Variants in SLC9C1 observed in about 807,000 individuals in gnomAD.
The protein encoded by SLC9C1 is sodium/hydrogen exchanger 10.
In SLC9C1, 97 loss-of-function variants were observed where a neutral mutation model predicts 140.9. That is an observed-to-expected ratio of 0.69 (90% confidence interval 0.58 to 0.82). SLC9C1 has a LOEUF of 0.82. SLC9C1 is among the 40% of genes least tolerant of loss of function. The pLI is 0.00. For missense variants in SLC9C1, 1,340 were observed against 1,389.3 expected (o/e 0.96, Z 0.56); for synonymous variants, 440 against 442.6 (o/e 0.99, Z 0.07).
chr3:112,185,701 A>C, intron 20 of SLC9C1: 1 of 1,544,482 alleles, frequency 6.5e-7, no homozygotes, highest in Non-Finnish European at 8.7e-7. Context: ...TCGTGCCACC[A>C]CTTGAGCTCC....
At chr3:112,286,397 C>T (rs921753768) in intron 2 of SLC9C1, among the ~76,000 whole-genome samples, 1 of 152,148 alleles carries the variant, frequency 6.6e-6, no homozygotes. Flanking sequence ...CCTGCCCCAA[C>T]CCTTGATTTT....
intron 5 of SLC9C1, 109 bp downstream of exon 5, chr3:112,277,586 C>G: frequency 1.0e-6 from 1 of 983,144 alleles, no homozygotes; most frequent in Non-Finnish European, 1.4e-6. Flanking sequence ...CAATCCCTCA[C>G]TACCTGACTT....
intron 13 of SLC9C1, among the ~76,000 whole-genome samples, chr3:112,224,906 C>G (rs999914506): frequency 2.0e-5 from 3 of 151,926 alleles, no homozygotes; most frequent in Admixed American, 6.6e-5. Context: ...ATTACACAAA[C>G]AAATGTTATC....
intron 26 of SLC9C1, among the ~76,000 whole-genome samples, chr3:112,162,454 G>A (rs1206339053): frequency 4.9e-4 from 74 of 152,074 alleles, no homozygotes; most frequent in South Asian, 1.9e-3. Flanking sequence ...CATCAATACC[G>A]AATTTATTGA....
chr3:112,190,928 AACACACACACACAC>A (rs56930611), intron 20 of SLC9C1, among the ~76,000 whole-genome samples: 1 of 138,682 alleles, frequency 7.2e-6, no homozygotes, highest in African/African-American at 2.7e-5. Context: ...ACTTTTTTTA[AACACACACACACAC>A]ACACACACAC....
intron 26 of SLC9C1, among the ~76,000 whole-genome samples, chr3:112,160,617 G>C (rs9851575): frequency 1.3e-5 from 2 of 150,772 alleles, no homozygotes; most frequent in African/African-American, 4.9e-5. Context: ...TTTTATGGCT[G>C]CATAGTATTC....
chr3:112,261,313 G>C (rs2079764862), intron 10 of SLC9C1, among the ~76,000 whole-genome samples: 1 of 151,936 alleles, frequency 6.6e-6, no homozygotes, highest in African/African-American at 2.4e-5. Flanking sequence ...TTGCATTCTA[G>C]GTAAAAGACC....
chr3:112,290,357 A>G (rs2080642849), intron 1 of SLC9C1, among the ~76,000 whole-genome samples: 1 of 147,538 alleles, frequency 6.8e-6, no homozygotes, highest in Admixed American at 6.9e-5. Context: ...AAGTGTTTAC[A>G]CATTCAATTA....
intron 13 of SLC9C1, among the ~76,000 whole-genome samples, chr3:112,229,602 A>AT (rs1241700838): frequency 2.0e-5 from 3 of 151,920 alleles, no homozygotes; most frequent in Admixed American, 6.6e-5. Context: ...GGGTGTATAG[A>AT]TTTTTTTAAG....
chr3:112,293,448 A>G (rs911829868), intron 1 of SLC9C1, among the ~76,000 whole-genome samples: 7 of 152,206 alleles, frequency 4.6e-5, no homozygotes, highest in African/African-American at 1.7e-4. Context: ...TTACCATGTT[A>G]CTGAACATGG....
chr3:112,209,514 G>GA (rs11392163), intron 15 of SLC9C1, among the ~76,000 whole-genome samples: 116,054 of 151,562 alleles, frequency 0.77, 44,770 homozygotes, highest in East Asian at 0.99. Flanking sequence ...TTGAATCTAA[G>GA]AAAAAAAAGA....
intron 13 of SLC9C1, among the ~76,000 whole-genome samples, chr3:112,227,344 A>G (rs2078708907): frequency 6.6e-6 from 1 of 152,184 alleles, no homozygotes; most frequent in Non-Finnish European, 1.5e-5. Context: ...ATCCTCAACA[A>G]AATACTAGCA....
At chr3:112,244,878 C>A (rs1327606763) in intron 10 of SLC9C1, among the ~76,000 whole-genome samples, 1 of 152,124 alleles carries the variant, frequency 6.6e-6, no homozygotes, top group Non-Finnish European at 1.5e-5. Flanking sequence ...CAGGAGGTCC[C>A]CACTGAATAT....
chr3:112,212,735 A>G (rs1243229520), intron 15 of SLC9C1, among the ~76,000 whole-genome samples: 3 of 152,234 alleles, frequency 2.0e-5, no homozygotes, highest in Non-Finnish European at 4.4e-5. Flanking sequence ...TCCGATTGGT[A>G]TACCTGAAAG....
intron 28 of SLC9C1, among the ~76,000 whole-genome samples, chr3:112,142,525 T>A (rs2074660755): frequency 6.6e-6 from 1 of 152,158 alleles, no homozygotes; most frequent in Admixed American, 6.6e-5. Context: ...GACTTGGGTG[T>A]CCTCCTGCCA....
chr3:112,160,622 G>A (rs1006502195), intron 26 of SLC9C1, among the ~76,000 whole-genome samples: 26 of 151,640 alleles, frequency 1.7e-4, no homozygotes, highest in Non-Finnish European at 1.5e-4. Flanking sequence ...TGGCTGCATA[G>A]TATTCCATGG....
rs1219948457 is a variant in SLC9C1, at chr3:112,193,729, G to T, written c.2523+5592C>A. 3.3e-5 allele frequency among the ~76,000 whole-genome samples: 5 copies of T among 152,040 alleles called. No homozygotes were observed. The East Asian group carries it at 7.7e-4, about 23-fold the overall frequency. ...CTTGTAGCTGCTCTGCTAGCCTGGG[G>T]GTGTGTTATCTACTTGCTGGCTTGT... is the stretch of plus-strand genomic sequence containing the variant. On this transcript the variant is annotated intron_variant, in intron 20 of 28. Transcript: ENST00000305815.
chr3:112,226,106 C>T (rs1312163797), intron 13 of SLC9C1, among the ~76,000 whole-genome samples: 1 of 152,154 alleles, frequency 6.6e-6, no homozygotes, highest in East Asian at 1.9e-4. Flanking sequence ...CTCATCAGCA[C>T]ACAGATCATT....
At chr3:112,202,987 C>A (rs561841381) in intron 17 of SLC9C1, among the ~76,000 whole-genome samples, 4 of 152,154 alleles carry the variant, frequency 2.6e-5, no homozygotes, top group East Asian at 1.9e-4. Flanking sequence ...CTCTACCCTG[C>A]AACTACCTGC....
Sources: gnomAD v4.1 joint callset for allele counts (sites outside exome capture counted in the v4.1 genomes callset) on GRCh38, gnomAD v4.1.1 for gene constraint, MANE v1.5 for transcripts, NCBI Gene and HGNC (gene_info 2026-07-23, HGNC 2026-07-21) for gene names.